The following RXFP2 variants were observed in gnomAD, a reference collection of about 807,000 sequenced individuals.
RXFP2 encodes relaxin family peptide receptor 2, also known as relaxin receptor 2.
In RXFP2, 68 loss-of-function variants were observed where a neutral mutation model predicts 88.6. The ratio of observed to expected loss-of-function variants is 0.77; its 90% CI spans 0.63 to 0.94. RXFP2 has a LOEUF of 0.94. Among genes scored for constraint, RXFP2 ranks in the 40% least tolerant of loss-of-function variants. RXFP2 has a pLI of 0.00. For missense variants in RXFP2, 791 were observed against 893.9 expected, an observed-to-expected ratio of 0.88 and a Z score of 1.47; for synonymous variants, 329 against 306.8, an observed-to-expected ratio of 1.07 and a Z score of -0.76.
chr13:31,782,559 C>G, intron 10 of RXFP2, 117 bp from the exon 11 acceptor site: 1 of 785,946 alleles, frequency 1.3e-6, no homozygotes, highest in Non-Finnish European at 2.3e-6. Flanking sequence ...AGATGCCTCC[C>G]TTGAAGACTT....
At chr13:31,766,070 G>T (rs377728477) in intron 5 of RXFP2, 43 bp downstream of exon 5, 8 of 951,512 alleles carry the variant, frequency 8.4e-6, no homozygotes, top group Non-Finnish European at 1.2e-5. Context: ...AAAAATCCTC[G>T]TGGTGGTGTA....
intron 16 of RXFP2, among the ~76,000 whole-genome samples, chr13:31,795,408 C>T (rs1238602288): frequency 1.3e-5 from 2 of 152,108 alleles, no homozygotes; most frequent in Admixed American, 6.5e-5. Flanking sequence ...CCTCGGTTTC[C>T]CAAAGTGCTG....
chr13:31,796,501 A>C (rs1246745758), intron 16 of RXFP2, among the ~76,000 whole-genome samples: 3 of 152,160 alleles, frequency 2.0e-5, no homozygotes, highest in Non-Finnish European at 2.9e-5. Context: ...ATATGATTAC[A>C]GTAATCCCTT....
At chr13:31,765,378 T>C (rs1452568912) in intron 4 of RXFP2, among the ~76,000 whole-genome samples, 1 of 152,228 alleles carries the variant, frequency 6.6e-6, no homozygotes. Flanking sequence ...GGAGTTCTTA[T>C]TTTCAATTGC....
At chr13:31,770,237 G>A (rs1872688770) in intron 5 of RXFP2, among the ~76,000 whole-genome samples, 1 of 152,118 alleles carries the variant, frequency 6.6e-6, no homozygotes, top group African/African-American at 2.4e-5. Context: ...ATCTTCCCAA[G>A]ACCAGCATTG....
chr13:31,755,897 G>A (rs12854014), intron 1 of RXFP2, among the ~76,000 whole-genome samples: 49,421 of 152,056 alleles, frequency 0.33, 8,944 homozygotes, highest in Admixed American at 0.43. Flanking sequence ...CAAAAGCCAC[G>A]CTCTGAGTCT....
At chr13:31,764,243 T>TCACACA (rs56132108) in intron 3 of RXFP2, among the ~76,000 whole-genome samples, 9,056 of 131,642 alleles carry the variant, frequency 0.069, 349 homozygotes, top group Non-Finnish European at 0.091. Flanking sequence ...TCTCTCTCTT[T>TCACACA]CACACACACA....
intron 1 of RXFP2, among the ~76,000 whole-genome samples, chr13:31,751,721 C>A (rs1170263156): frequency 2.6e-5 from 4 of 152,110 alleles, no homozygotes; most frequent in Admixed American, 6.5e-5. Flanking sequence ...AAGGTACCAC[C>A]TTCTCTCCAC....
chr13:31,745,185 C>CT, intron 1 of RXFP2, among the ~76,000 whole-genome samples: 1 of 151,814 alleles, frequency 6.6e-6, no homozygotes, highest in Middle Eastern at 3.4e-3. Flanking sequence ...AAAAAAAGCT[C>CT]TATCATCTCT....
chr13:31,758,005 T>C (rs1013925521), intron 1 of RXFP2, among the ~76,000 whole-genome samples: 2 of 152,030 alleles, frequency 1.3e-5, no homozygotes, highest in Non-Finnish European at 2.9e-5. Flanking sequence ...GGCAGGAGAA[T>C]CGTTTGAATT....
intron 1 of RXFP2, 150 bp from the exon 2 acceptor site, chr13:31,758,108 T>C (rs1265725639): frequency 3.7e-6 from 3 of 805,668 alleles, no homozygotes; most frequent in Admixed American, 2.1e-5. Context: ...AAAAATAAAG[T>C]TGTCATTGAG....
chr13:31,792,594 A>T (rs1873846759), intron 15 of RXFP2, 84 bp from the exon 16 acceptor site: 1 of 1,326,158 alleles, frequency 7.5e-7, no homozygotes, highest in Non-Finnish European at 1.1e-6. Flanking sequence ...TTAGAAAATT[A>T]AAATGCTGGA....
At chr13:31,788,892 T>C (rs1364269313) in intron 13 of RXFP2, among the ~76,000 whole-genome samples, 1 of 152,204 alleles carries the variant, frequency 6.6e-6, no homozygotes, top group Non-Finnish European at 1.5e-5. Context: ...AATGAATGAA[T>C]ATGTTCTATT....
At chr13:31,740,299 A>G (rs1871179093) in intron 1 of RXFP2, among the ~76,000 whole-genome samples, 1 of 152,080 alleles carries the variant, frequency 6.6e-6, no homozygotes. Context: ...GTTTCAAGTC[A>G]GTACCATTTT....
chr13:31,750,447 T>C (rs1871615868), intron 1 of RXFP2, among the ~76,000 whole-genome samples: 1 of 152,160 alleles, frequency 6.6e-6, no homozygotes, highest in South Asian at 2.1e-4. Flanking sequence ...ATCATCCTTA[T>C]TTAACAAACT....
At chr13:31,777,757 A>T (rs1293466780) in intron 8 of RXFP2, among the ~76,000 whole-genome samples, 1 of 152,108 alleles carries the variant, frequency 6.6e-6, no homozygotes, top group East Asian at 1.9e-4. Flanking sequence ...TAATTTTTAT[A>T]TCCTATGTTT....
At chr13:31,798,724 C>T (rs1353005065) in intron 17 of RXFP2, among the ~76,000 whole-genome samples, 3 of 152,148 alleles carry the variant, frequency 2.0e-5, no homozygotes, top group Non-Finnish European at 4.4e-5. Flanking sequence ...GATCCAGGCC[C>T]ACTGGAATGA....
At chr13:31,746,262 C>CT (rs1453103136) in intron 1 of RXFP2, among the ~76,000 whole-genome samples, 2 of 151,902 alleles carry the variant, frequency 1.3e-5, no homozygotes, top group Admixed American at 6.6e-5. Flanking sequence ...TATACATGGG[C>CT]TTTTTTTTCT....
intron 1 of RXFP2, among the ~76,000 whole-genome samples, chr13:31,751,917 G>A (rs535930647): frequency 6.6e-6 from 1 of 152,136 alleles, no homozygotes; most frequent in Non-Finnish European, 1.5e-5. Context: ...CATACTGAAA[G>A]GTAAGATTTT....
Sources: allele counts gnomAD v4.1 joint callset (sites outside exome capture counted in the v4.1 genomes callset), GRCh38; gene constraint gnomAD v4.1.1; transcripts MANE v1.5; gene names NCBI Gene and HGNC (gene_info 2026-07-23, HGNC 2026-07-21).